The following FUOM variants were observed in gnomAD, a reference collection of about 807,000 sequenced individuals.
FUOM encodes the protein fucose mutarotase, also known as protein fucU homolog.
In FUOM, 19 loss-of-function variants were observed where a neutral mutation model predicts 18.3. The observed-to-expected ratio is 1.04, with a 90% CI of 0.73 to 1.53. The LOEUF (loss-of-function observed/expected upper bound fraction) is 1.53. Ranked by LOEUF, FUOM falls within the 40% of genes most tolerant of loss-of-function variation. FUOM has a pLI of 0.00. For synonymous variants in FUOM, 102 were observed against 87.9 expected, an observed-to-expected ratio of 1.16 and a Z score of -0.90; for missense variants, 210 against 200.9, an observed-to-expected ratio of 1.04 and a Z score of -0.27.
downstream of FUOM, among the ~76,000 whole-genome samples, chr10:133,352,885 A>G (rs1192737360): frequency 6.6e-6 from 1 of 152,236 alleles, no homozygotes; most frequent in Non-Finnish European, 1.5e-5. Context: ...ATGCCCCAGA[A>G]GACCGATGAC....
chr10:133,357,600 G>A, intron 1 of FUOM: 1 of 485,226 alleles, frequency 2.1e-6, no homozygotes, highest in Non-Finnish European at 3.6e-6. Flanking sequence ...CCAGGCCCCC[G>A]GCCACCCAAC....
chr10:133,356,510 G>A, intron 4 of FUOM, 130 bp downstream of exon 4: 1 of 586,026 alleles, frequency 1.7e-6, no homozygotes, highest in Non-Finnish European at 2.8e-6. Flanking sequence ...AGTGGTCCGG[G>A]GTTCTCAGGG....
intron 4 of FUOM, 25 bp downstream of exon 4, chr10:133,356,615 C>G: frequency 6.6e-7 from 1 of 1,504,270 alleles, no homozygotes; most frequent in Non-Finnish European, 8.9e-7. Context: ...TGGCCTTTTC[C>G]CCACAACTGG....
chr10:133,356,843 A>G, intron 3 of FUOM, 100 bp downstream of exon 3: 1 of 1,449,502 alleles, frequency 6.9e-7, no homozygotes, highest in East Asian at 2.5e-5. Flanking sequence ...TTGGGGACAC[A>G]TGGCTTCCCC....
intron 4 of FUOM, among the ~76,000 whole-genome samples, 157 bp downstream of exon 4, chr10:133,356,483 G>A (rs1435560468): frequency 1.3e-5 from 2 of 152,194 alleles, no homozygotes; most frequent in African/African-American, 4.8e-5. Flanking sequence ...CTTCCACCTG[G>A]CTGGTGAAGG....
chr10:133,356,647 C>A lies in FUOM; in HGVS notation c.317G>T (p.Gly106Val). Residue 106 changes from glycine to valine, a missense_variant, in exon 4 of 6, where the codon GGC (glycine) becomes GTC (valine). Gly to Val is a moderately radical substitution (Grantham distance 109, BLOSUM62 -3). Transcript: ENST00000278025. ...TEYESILRRA[G>V]CVRALAKIER... ...CTGGGGCTGCAGGCTTACCACACAG[C>A]CGGCCCTGCGTAGGATGGACTCGTA... 3 of 1,573,864 alleles carry A rather than the reference C, an allele frequency of 1.9e-6. No individual in the cohort carries two copies. The highest frequency in any genetic ancestry group is 1.7e-6 in the Non-Finnish European group (2 of 1,156,622).
At chr10:133,355,645 G>A (rs565725347) in intron 5 of FUOM, 93 bp downstream of exon 5, 20 of 1,547,096 alleles carry the variant, frequency 1.3e-5, no homozygotes, top group Admixed American at 1.7e-5. Flanking sequence ...TGAGAAGAGG[G>A]TAGGGGCAGC....
At chr10:133,355,077 G>A (rs1848742228), downstream of FUOM, 1 of 452,328 alleles carries the variant, frequency 2.2e-6, no homozygotes, top group Non-Finnish European at 4.0e-6. Flanking sequence ...GGTTCGTCAA[G>A]GGTACGTGGG....
chr10:133,357,225 GA>G lies in FUOM; in HGVS notation c.115del (p.Ser39ProfsTer25), dbSNP rs762837169. 1.3e-6 allele frequency: 2 copies of G among 1,582,800 alleles called. No homozygotes were observed. The highest frequency in any genetic ancestry group is 1.7e-6 in the Non-Finnish European group (2 of 1,165,614). ...VLADLNFPAS[S>X]ICQCGPMEIR... is the part of the protein sequence containing the mutation. ...CTCCATGGGCCCACACTGGCAGATG[GA>G]GGAGGCCGGGAAGTTCAAGTCCGCA... On this transcript the variant is annotated frameshift_variant, in exon 2 of 6. Transcript: ENST00000278025. LOFTEE classifies it high-confidence loss of function.
chr10:133,354,929 C>A (rs1299490435), downstream of FUOM, among the ~76,000 whole-genome samples: 1 of 152,150 alleles, frequency 6.6e-6, no homozygotes, highest in Non-Finnish European at 1.5e-5. Context: ...GTGTCCACAG[C>A]CCAGGGGCTA....
intron 2 of FUOM, 33 bp from the exon 3 acceptor site, chr10:133,357,046 AGCCC>A (rs1393384182): frequency 2.6e-6 from 4 of 1,546,918 alleles, no homozygotes; most frequent in Non-Finnish European, 3.5e-6. Flanking sequence ...CTCAGTCTCC[AGCCC>A]GCCCGCCCGC....
chr10:133,356,905 C>T (rs1210867781), intron 3 of FUOM, 38 bp downstream of exon 3: 1 of 1,538,718 alleles, frequency 6.5e-7, no homozygotes, highest in Admixed American at 2.0e-5. Context: ...GAAACTGAGG[C>T]ACGGAGCAGC....
downstream of FUOM, among the ~76,000 whole-genome samples, chr10:133,353,945 C>A (rs1848722800): frequency 6.6e-6 from 1 of 150,884 alleles, no homozygotes; most frequent in African/African-American, 2.4e-5. Context: ...CCCTAGGCAG[C>A]CCAAGCTGGT....
chr10:133,355,577 G>A (rs1208278689), intron 5 of FUOM, 141 bp from the exon 6 acceptor site: 62 of 1,591,680 alleles, frequency 3.9e-5, no homozygotes, highest in Admixed American at 2.8e-4. Flanking sequence ...CTGCCCCCCC[G>A]AAATTCCTCC....
chr10:133,357,792 G>A, intron 1 of FUOM, 131 bp downstream of exon 1: 3 of 642,498 alleles, frequency 4.7e-6, no homozygotes, highest in Non-Finnish European at 7.6e-6. Context: ...CTTCCTGCCC[G>A]GAAGCCAGGG....
At chr10:133,357,720 C>G (rs1848856042) in intron 1 of FUOM, 2 of 529,432 alleles carry the variant, frequency 3.8e-6, no homozygotes, top group Non-Finnish European at 6.6e-6. Flanking sequence ...GGGAGAAGCT[C>G]GGGCCGGCTC....
Position 133,355,788 on chromosome 10 carries a change from CCT to C in FUOM, c.346_347del (p.Arg116ValfsTer2), listed in dbSNP as rs759619964. The C allele has an allele frequency of 1.8e-5, 29 of 1,613,058 alleles. 1 individual carries two copies. Among genetic ancestry groups the C allele is most frequent in the Non-Finnish European group, 2.0e-5 (24 of 1,179,982 alleles). ...GCVRALAKIE[R>X]FEFYERAKKA... is the part of the protein sequence containing the mutation. ...TCTTAGCCCGTTCATAAAACTCAAA[CCT>C]CTCTATCTTTGCCAGGGCTCTCTGG... On this transcript the variant is annotated frameshift_variant, in exon 5 of 6. Transcript: ENST00000278025. LOFTEE classifies it high-confidence loss of function.
chr10:133,355,569 G>GC (rs913750931), intron 5 of FUOM, 133 bp from the exon 6 acceptor site: 22 of 1,606,642 alleles, frequency 1.4e-5, no homozygotes, highest in East Asian at 4.5e-5. Flanking sequence ...TGGGGGCCCT[G>GC]CCCCCCCGAA....
At chr10:133,356,898 A>T in intron 3 of FUOM, 45 bp downstream of exon 3, 1 of 1,535,562 alleles carries the variant, frequency 6.5e-7, no homozygotes, top group Non-Finnish European at 8.8e-7. Flanking sequence ...AAAAGGGGAA[A>T]CTGAGGCACG....
Sources: allele counts gnomAD v4.1 joint callset (sites outside exome capture counted in the v4.1 genomes callset), GRCh38; gene constraint gnomAD v4.1.1; transcripts MANE v1.5; gene names NCBI Gene and HGNC (gene_info 2026-07-23, HGNC 2026-07-21).